The following MARCHF2 variants were observed in gnomAD, a reference collection of about 807,000 sequenced individuals.
The protein encoded by MARCHF2 is membrane associated ring-CH-type finger 2.
MARCHF2 carries 22 observed loss-of-function variants against 24.0 expected under a neutral mutation model. That is an observed-to-expected ratio of 0.92 (90% CI 0.66 to 1.31). The LOEUF (loss-of-function observed/expected upper bound fraction) is 1.31. MARCHF2 is among the 50% of genes most tolerant of loss of function. The pLI, the probability that MARCHF2 is intolerant of heterozygous loss-of-function variation, is 0.00. For missense variants in MARCHF2, 301 were observed against 335.3 expected (o/e 0.90, Z 0.80); for synonymous variants, 154 against 153.0 (o/e 1.01, Z -0.05).
Position 8,415,042 on chromosome 19 carries a change from C to T in MARCHF2, c.-53+1622C>T, listed in dbSNP as rs577807082. Among the ~76,000 whole-genome samples the T allele has an allele frequency of 5.9e-5, 9 of 152,126 alleles. No homozygotes were observed. In the South Asian group the frequency reaches 1.5e-3, roughly 25 times the overall value. On this transcript the variant is annotated intron_variant, in intron 1 of 4. Transcript: ENST00000215555. ...CCTTGGGAAAGTAGGTGCCTCTCTC[C>T]GAGCTTCAGCCTCTTTCCCCATCAT...
chr19:8,416,544 C>T (rs541043419), intron 1 of MARCHF2, among the ~76,000 whole-genome samples: 1 of 152,074 alleles, frequency 6.6e-6, no homozygotes, highest in Non-Finnish European at 1.5e-5. Flanking sequence ...ACACATGCCA[C>T]GAGTGGAATC....
At chr19:8,433,675 C>CAAAA (rs143853447) in intron 4 of MARCHF2, among the ~76,000 whole-genome samples, 19 of 90,658 alleles carry the variant, frequency 2.1e-4, no homozygotes, top group East Asian at 1.8e-3. Flanking sequence ...GACTCCGTCT[C>CAAAA]AAAAAAAAAA....
At chr19:8,416,566 A>G (rs181185271) in intron 1 of MARCHF2, among the ~76,000 whole-genome samples, 36 of 152,092 alleles carry the variant, frequency 2.4e-4, no homozygotes, top group Non-Finnish European at 4.0e-4. Flanking sequence ...AGTGGACCCC[A>G]TTGGCACTTC....
chr19:8,424,486 T>C (rs1967342289), intron 2 of MARCHF2, among the ~76,000 whole-genome samples: 1 of 151,818 alleles, frequency 6.6e-6, no homozygotes, highest in Non-Finnish European at 1.5e-5. Flanking sequence ...GCTAACACGG[T>C]GAAACCCCGT....
rs150565943 is a variant in MARCHF2 at position 8,415,610 on chromosome 19, A to G, written c.-53+2190A>G. On this transcript the variant is annotated intron_variant, in intron 1 of 4. Transcript: ENST00000215555. ...GTGGAGGGCACCGGTAATCCCAGCT[A>G]CTCTGGTGGTTGAGGCAGGAGAATC... is the stretch of plus-strand genomic sequence containing the variant. Among the ~76,000 whole-genome samples, 68 of 150,300 alleles carry G rather than the reference A, an allele frequency of 4.5e-4. No individual in the cohort carries two copies. In the Middle Eastern group the frequency reaches 0.01, roughly 23 times the overall value.
Position 8,428,394 on chromosome 19 carries a change from A to G in MARCHF2, c.372+1590A>G, listed in dbSNP as rs532512229. ...GCTTGAACCCTAGGGAGGCTGAGGC[A>G]GGAGAATTGCTTGAACCCGGGAGGC... is the stretch of plus-strand genomic sequence containing the variant. On this transcript the variant is annotated intron_variant, in intron 3 of 4. Coordinates refer to ENST00000215555, the MANE Select transcript of MARCHF2 (RefSeq NM_001005415.2). Among the ~76,000 whole-genome samples the G allele has an allele frequency of 2.1e-4, 32 of 151,394 alleles. No individual in the cohort carries two copies. The East Asian group carries it at 5.6e-3, about 27-fold the overall frequency.
rs1419525133 is a variant in MARCHF2, at chr19:8,413,385, G to C, written c.-88G>C. 6.6e-6 allele frequency: 1 copy of C among 151,722 alleles called. No homozygotes were observed. Among genetic ancestry groups the C allele is most frequent in the East Asian group, 1.9e-4 (1 of 5,174 alleles). The allele number at this position is 151,722 out of a possible 1,614,324, so 9.4% of individuals were successfully genotyped here. On this transcript the variant is annotated 5_prime_UTR_variant, in exon 1 of 5. Coordinates refer to ENST00000215555, the MANE Select transcript of MARCHF2 (RefSeq NM_001005415.2). ...GGGACCGGGGCCGAGGCGAACCGAG[G>C]GGCCTGTGCGGCCGCCCGGCCCGGC...
At chr19:8,432,233 CTGAG>C (rs1330694334) in intron 4 of MARCHF2, among the ~76,000 whole-genome samples, 13 of 151,808 alleles carry the variant, frequency 8.6e-5, no homozygotes, top group Non-Finnish European at 1.6e-4. Flanking sequence ...GATGAAAACA[CTGAG>C]TGAGGCCAGG....
At chr19:8,428,571 A>AGCTG (rs1361303245) in intron 3 of MARCHF2, among the ~76,000 whole-genome samples, 1 of 146,334 alleles carries the variant, frequency 6.8e-6, no homozygotes, top group East Asian at 2.2e-4. Flanking sequence ...AATCACTTAA[A>AGCTG]GCTGGGAGGC....
At chr19:8,431,197 T>C (rs1045509563) in intron 4 of MARCHF2, among the ~76,000 whole-genome samples, 3 of 151,802 alleles carry the variant, frequency 2.0e-5, no homozygotes, top group African/African-American at 7.3e-5. Flanking sequence ...TGGGGAAATA[T>C]ATATTGATTA....
chr19:8,420,014 CG>C (rs1179853002), intron 1 of MARCHF2, among the ~76,000 whole-genome samples: 66 of 149,110 alleles, frequency 4.4e-4, no homozygotes, highest in Non-Finnish European at 8.7e-4. Flanking sequence ...AAAAATTAGC[CG>C]GGTGTGTTGG....
chr19:8,427,517 C>G (rs954666152), intron 3 of MARCHF2, among the ~76,000 whole-genome samples: 22 of 109,766 alleles, frequency 2.0e-4, no homozygotes, highest in South Asian at 8.7e-4. Flanking sequence ...TATGAGGTTA[C>G]AGAAAAAAAA....
intron 1 of MARCHF2, chr19:8,418,857 A>G (rs1967151335): frequency 6.6e-6 from 1 of 151,072 alleles, no homozygotes; most frequent in Admixed American, 6.6e-5. Context: ...TTGGCAGTTT[A>G]CAAGCTGACT....
At chr19:8,428,948 A>G (rs780104608) in intron 3 of MARCHF2, among the ~76,000 whole-genome samples, 17 of 146,750 alleles carry the variant, frequency 1.2e-4, no homozygotes, top group Non-Finnish European at 1.9e-4. Context: ...AAAACAAAAA[A>G]CAAAAACCCT....
In MARCHF2 at chr19:8,419,732, C is replaced by T. The variant is rs1374737234; in HGVS notation, c.-52-2057C>T. The stretch of plus-strand genomic sequence containing the variant: ...TCGGGAGGCTGAGGCAGGAGAATGG[C>T]GTGAACCCGGGAGGCAGAGCTTGCA... On this transcript the variant is annotated intron_variant, in intron 1 of 4. Coordinates refer to ENST00000215555, the MANE Select transcript of MARCHF2 (RefSeq NM_001005415.2). Among the ~76,000 whole-genome samples, 1,140 of 127,854 alleles carry T rather than the reference C, an allele frequency of 8.9e-3. 9 individuals are homozygous for T. The highest frequency in any genetic ancestry group is 0.033 in the African/African-American group (1,052 of 31,872). 83.9% of individuals were successfully genotyped at this position (127,854 alleles called of 152,430 possible).
chr19:8,417,576 T>G (rs1395777568), intron 1 of MARCHF2, among the ~76,000 whole-genome samples: 1 of 151,992 alleles, frequency 6.6e-6, no homozygotes, highest in Non-Finnish European at 1.5e-5. Flanking sequence ...TAGCTGGGAT[T>G]ACAGTTGCCC....
chr19:8,429,479 C>CTTATTATTATTATTATTA (rs144546795), intron 3 of MARCHF2, among the ~76,000 whole-genome samples: 3 of 142,326 alleles, frequency 2.1e-5, no homozygotes, highest in Non-Finnish European at 4.5e-5. Context: ...AATGAAAGAA[C>CTTATTATTATTATTATTA]TTATTATTAT....
At chr19:8,431,985 C>T (rs1427510158) in intron 4 of MARCHF2, among the ~76,000 whole-genome samples, 1 of 151,308 alleles carries the variant, frequency 6.6e-6, no homozygotes, top group Non-Finnish European at 1.5e-5. Flanking sequence ...GGTGAAACCC[C>T]ATCTCTACTA....
intron 1 of MARCHF2, among the ~76,000 whole-genome samples, chr19:8,416,420 TG>T (rs941793854): frequency 2.0e-5 from 3 of 151,512 alleles, no homozygotes; most frequent in Non-Finnish European, 2.9e-5. Context: ...GGCCAGGTGC[TG>T]GGGACAGCGG....
Sources: gnomAD v4.1 joint callset for allele counts (sites outside exome capture counted in the v4.1 genomes callset) on GRCh38, gnomAD v4.1.1 for gene constraint, MANE v1.5 for transcripts, NCBI Gene and HGNC (gene_info 2026-07-23, HGNC 2026-07-21) for gene names.